The following NSMCE2 variants were observed in gnomAD, a reference collection of about 807,000 sequenced individuals.
The protein encoded by NSMCE2 is NSE2 SUMO ligase component of SMC5/6 complex.
Under a neutral mutation model 23.8 loss-of-function variants are expected in NSMCE2, and 24 were observed. That is an observed-to-expected ratio of 1.01 (90% confidence interval 0.73 to 1.42). The LOEUF (loss-of-function observed/expected upper bound fraction) is 1.42, where lower values mean the gene tolerates loss of function less well. NSMCE2 is among the 40% of genes most tolerant of loss of function. The probability of loss-of-function intolerance (pLI) is 0.00; values close to 1 mark genes in which losing one functional copy is unlikely to be tolerated. For missense variants in NSMCE2, 284 were observed against 296.5 expected (o/e 0.96, Z 0.31); for synonymous variants, 92 against 94.1 (o/e 0.98, Z 0.13).
At chr8:125,343,729 C>T (rs1027681987) in intron 5 of NSMCE2, among the ~76,000 whole-genome samples, 1 of 152,164 alleles carries the variant, frequency 6.6e-6, no homozygotes, top group Non-Finnish European at 1.5e-5. Flanking sequence ...GGCACAGTGG[C>T]TTATGCCTGT....
At chr8:125,316,860 A>T (rs1829230074) in intron 5 of NSMCE2, among the ~76,000 whole-genome samples, 1 of 149,598 alleles carries the variant, frequency 6.7e-6, no homozygotes, top group African/African-American at 2.5e-5. Flanking sequence ...TTCACTGCAG[A>T]CTCTACCTCT....
Position 125,258,971 on chromosome 8 carries a change from C to T in NSMCE2, c.418+76715C>T, listed in dbSNP as rs191400220. Among the ~76,000 whole-genome samples the T allele has an allele frequency of 2.4e-4, 36 of 152,278 alleles. No homozygotes were observed. The East Asian group carries it at 5.2e-3, about 22-fold the overall frequency. ...AGGCTGTAGTGCAATGGCACGATCT[C>T]GGCTCACTGCAACCTCCGCCTCTTG... On this transcript the variant is annotated intron_variant, in intron 5 of 7. Coordinates refer to ENST00000287437, the MANE Select transcript of NSMCE2 (RefSeq NM_173685.4).
chr8:125,099,184 A>G (rs1818071066), intron 1 of NSMCE2, among the ~76,000 whole-genome samples: 1 of 152,186 alleles, frequency 6.6e-6, no homozygotes, highest in Non-Finnish European at 1.5e-5. Context: ...TATAAACCTA[A>G]TAAATACAAG....
chr8:125,289,233 G>A (rs550529700), intron 5 of NSMCE2, among the ~76,000 whole-genome samples: 4 of 152,286 alleles, frequency 2.6e-5, no homozygotes, highest in East Asian at 1.9e-4. Context: ...CATTGGAAAC[G>A]GGAACTTTGG....
chr8:125,159,718 C>G (rs1379711510), intron 4 of NSMCE2, among the ~76,000 whole-genome samples: 2 of 152,040 alleles, frequency 1.3e-5, no homozygotes, highest in Non-Finnish European at 2.9e-5. Context: ...TTATTAGTCT[C>G]AAATTGCTCA....
chr8:125,299,295 G>GCACTGGCC (rs1360441094), intron 5 of NSMCE2, among the ~76,000 whole-genome samples: 1 of 152,132 alleles, frequency 6.6e-6, no homozygotes, highest in East Asian at 1.9e-4. Flanking sequence ...AAAGAAAGGA[G>GCACTGGCC]CACTCTATTC....
At chr8:125,202,164 C>T (rs551664179) in intron 5 of NSMCE2, among the ~76,000 whole-genome samples, 10 of 152,340 alleles carry the variant, frequency 6.6e-5, no homozygotes, top group African/African-American at 1.4e-4. Context: ...TGGCCCCTTG[C>T]GCTTCCTTCG....
At chr8:125,244,907 A>G (rs1825898752) in intron 5 of NSMCE2, among the ~76,000 whole-genome samples, 1 of 152,242 alleles carries the variant, frequency 6.6e-6, no homozygotes, top group Admixed American at 6.5e-5. Flanking sequence ...TGTACTTTGT[A>G]TGCTACAGAA....
rs142462680 is a variant in NSMCE2 at position 125,280,625 on chromosome 8, A to G, written c.419-76594A>G. Among the ~76,000 whole-genome samples, 901 of 152,342 alleles carry G rather than the reference A, an allele frequency of 5.9e-3. 10 individuals carry two copies. Among genetic ancestry groups the G allele is most frequent in the African/African-American group, 0.019 (807 of 41,576 alleles). On this transcript the variant is annotated intron_variant, in intron 5 of 7. Transcript: ENST00000287437. The stretch of plus-strand genomic sequence containing the variant: ...ATGATCCTATTAATTTAAAAAAGAA[A>G]GTATTTGAAGTCCAGCTGATTATAA...
At chr8:125,239,310 T>G (rs535569317) in intron 5 of NSMCE2, among the ~76,000 whole-genome samples, 2 of 152,252 alleles carry the variant, frequency 1.3e-5, no homozygotes, top group African/African-American at 4.8e-5. Context: ...TACAAAAAAA[T>G]AGCATTTTAA....
At chr8:125,189,544 C>CTGT (rs982014467) in intron 5 of NSMCE2, among the ~76,000 whole-genome samples, 1 of 152,202 alleles carries the variant, frequency 6.6e-6, no homozygotes, top group African/African-American at 2.4e-5. Context: ...GAGTAAGGAA[C>CTGT]TGTTATTCCT....
chr8:125,128,237 C>T (rs1486945213), intron 3 of NSMCE2, among the ~76,000 whole-genome samples: 2 of 152,114 alleles, frequency 1.3e-5, no homozygotes, highest in Non-Finnish European at 2.9e-5. Context: ...TTGCATTATT[C>T]TCTGGCCATA....
At chr8:125,344,324 A>G (rs930384765) in intron 5 of NSMCE2, among the ~76,000 whole-genome samples, 4 of 152,178 alleles carry the variant, frequency 2.6e-5, no homozygotes, top group Admixed American at 1.3e-4. Context: ...TTACTCTCCA[A>G]ATATCTCAGA....
chr8:125,112,229 A>C (rs1818792242), intron 3 of NSMCE2, among the ~76,000 whole-genome samples: 2 of 152,228 alleles, frequency 1.3e-5, no homozygotes, highest in Admixed American at 6.5e-5. Context: ...TGTATATAGT[A>C]CTAAAAGTAA....
In NSMCE2 at chr8:125,228,437, A is replaced by G. The variant is rs1369938053; in HGVS notation, c.418+46181A>G. On this transcript the variant is annotated intron_variant, in intron 5 of 7. Coordinates refer to ENST00000287437, the MANE Select transcript of NSMCE2 (RefSeq NM_173685.4). ...GATAATGTAACACAAAGAAATAAATATTAAAATAAAGCTGCAAGCTGGGTG... is the reference window on the plus strand; with the variant it reads ...GATAATGTAACACAAAGAAATAAATGTTAAAATAAAGCTGCAAGCTGGGTG... 5.9e-5 allele frequency among the ~76,000 whole-genome samples: 9 copies of G among 152,244 alleles called. No homozygotes were observed. In the East Asian group the frequency reaches 1.7e-3, roughly 29 times the overall value.
chr8:125,335,413 A>T (rs1445575879), intron 5 of NSMCE2, among the ~76,000 whole-genome samples: 5 of 152,206 alleles, frequency 3.3e-5, no homozygotes, highest in Admixed American at 2.0e-4. Context: ...GTGATTAGGT[A>T]ACTTGCTCAA....
chr8:125,364,903 A>T (rs1455296782), intron 7 of NSMCE2, among the ~76,000 whole-genome samples: 2 of 152,134 alleles, frequency 1.3e-5, no homozygotes, highest in Non-Finnish European at 2.9e-5. Flanking sequence ...TAGAGAGAAA[A>T]TTCAGACCTA....
chr8:125,094,467 G>C (rs1458774592), intron 1 of NSMCE2: 6 of 152,132 alleles, frequency 3.9e-5, no homozygotes, highest in African/African-American at 1.4e-4. Context: ...CCCTACTCCA[G>C]AATTACAGAA....
chr8:125,210,960 T>G (rs533642550), intron 5 of NSMCE2, among the ~76,000 whole-genome samples: 2 of 152,234 alleles, frequency 1.3e-5, no homozygotes, highest in African/African-American at 4.8e-5. Flanking sequence ...CTTGGACCCC[T>G]GGCCTCAAGT....
Sources: allele counts gnomAD v4.1 joint callset (sites outside exome capture counted in the v4.1 genomes callset), GRCh38; gene constraint gnomAD v4.1.1; transcripts MANE v1.5; gene names NCBI Gene and HGNC (gene_info 2026-07-23, HGNC 2026-07-21).